The following CPA5 variants were observed in gnomAD, a reference collection of about 807,000 sequenced individuals.
CPA5 encodes the protein testicular tissue protein Li 32.
Under a neutral mutation model 52.2 loss-of-function variants are expected in CPA5, and 38 were observed. The ratio of observed to expected loss-of-function variants is 0.73; its 90% CI spans 0.56 to 0.95. CPA5 has a LOEUF of 0.95. Among genes scored for constraint, CPA5 ranks in the 40% least tolerant of loss-of-function variants. CPA5 has a pLI of 0.00. For synonymous variants in CPA5, 198 were observed against 213.7 expected, an observed-to-expected ratio of 0.93 and a Z score of 0.64; for missense variants, 519 against 566.7, an observed-to-expected ratio of 0.92 and a Z score of 0.86.
Position 130,350,060 on chromosome 7 carries a change from A to G in CPA5, c.284A>G (p.Tyr95Cys), listed in dbSNP as rs1554403516. The change falls in exon 5 of 13, where the codon TAT becomes TGT. Residue 95 changes from tyrosine to cysteine, a missense_variant. Transcript: ENST00000474905. ...PFSELKDIKA[Y>C]LESHGLAYSI... The stretch of plus-strand genomic sequence containing the variant: ...TCTGAACTGAAAGACATCAAAGCTT[A>G]TCTGGAGTCTCATGGACTTGCTTAC... The G allele has an allele frequency of 6.2e-7, 1 of 1,614,066 alleles. No individual in the cohort carries two copies.
rs138657131 is a variant in CPA5, at chr7:130,347,780, G to A, written c.131G>A (p.Arg44Gln). 1.6e-4 allele frequency: 264 copies of A among 1,613,682 alleles called. No homozygotes were observed. The highest frequency in any genetic ancestry group is 2.1e-4 in the Non-Finnish European group (253 of 1,179,926). Residue 44 changes from arginine to glutamine, a missense_variant, in exon 4 of 13, where the codon CGA becomes CAA. Transcript: ENST00000474905. The part of the protein sequence containing the change: ...QMNFTGDQVL[R>Q]VLAKDEKQLS... ...TGTTTTTCTAGGGACCAGGTTCTTC[G>A]AGTCCTGGCCAAAGATGAGAAGCAG...
intron 7 of CPA5, among the ~76,000 whole-genome samples, chr7:130,361,531 G>A (rs1795791288): frequency 6.6e-6 from 1 of 152,126 alleles, no homozygotes; most frequent in Non-Finnish European, 1.5e-5. Flanking sequence ...CTGGACTTGG[G>A]GTGTGAGTGT....
chr7:130,361,527 T>C (rs543116940), intron 7 of CPA5, among the ~76,000 whole-genome samples: 1 of 152,250 alleles, frequency 6.6e-6, no homozygotes, highest in Admixed American at 6.5e-5. Context: ...CACCCTGGAC[T>C]TGGGGTGTGA....
chr7:130,345,583 T>G (rs1794684452), intron 1 of CPA5: 1 of 152,368 alleles, frequency 6.6e-6, no homozygotes, highest in South Asian at 2.1e-4. Flanking sequence ...TGTTGAGAAC[T>G]CTAATAATGA....
chr7:130,361,120 C>T (rs1373904681), intron 6 of CPA5, 23 bp from the exon 7 acceptor site: 1 of 1,505,484 alleles, frequency 6.6e-7, no homozygotes, highest in Non-Finnish European at 9.2e-7. Context: ...AACTGCCAAT[C>T]TTACACACTT....
At chr7:130,347,078 G>T (rs1794801446) in intron 3 of CPA5, among the ~76,000 whole-genome samples, 1 of 152,110 alleles carries the variant, frequency 6.6e-6, no homozygotes, top group South Asian at 2.1e-4. Context: ...TCCACAGGTG[G>T]ATGCCCCACA....
intron 4 of CPA5, 76 bp from the exon 5 acceptor site, chr7:130,349,899 C>T: frequency 6.7e-7 from 1 of 1,492,266 alleles, no homozygotes; most frequent in South Asian, 1.3e-5. Flanking sequence ...GATTCTCTGG[C>T]TCTCTGTGGT....
At chr7:130,364,241 G>A (rs1219695459) in intron 10 of CPA5, among the ~76,000 whole-genome samples, 1 of 152,162 alleles carries the variant, frequency 6.6e-6, no homozygotes, top group African/African-American at 2.4e-5. Context: ...TGCCCAGGCT[G>A]GAGTGCAGTG....
In CPA5 at chr7:130,353,319, T is replaced by C. The variant is rs116803818; in HGVS notation, c.333+3210T>C. On this transcript the variant is annotated intron_variant, in intron 5 of 12. Transcript: ENST00000474905. ...CACGCAACTTCCAGATCCAACCCGATGGCCGACTCTCAATGTTCCTCTTCC... is the reference window on the plus strand; with the variant it reads ...CACGCAACTTCCAGATCCAACCCGACGGCCGACTCTCAATGTTCCTCTTCC... Among the ~76,000 whole-genome samples the C allele has an allele frequency of 9.2e-3, 1,393 of 152,228 alleles. 23 individuals are homozygous for C. Among genetic ancestry groups the C allele is most frequent in the African/African-American group, 0.032 (1,319 of 41,546 alleles).
chr7:130,352,487 G>A (rs1296647791), intron 5 of CPA5, among the ~76,000 whole-genome samples: 1 of 151,922 alleles, frequency 6.6e-6, no homozygotes, highest in Non-Finnish European at 1.5e-5. Context: ...GGTAATTACG[G>A]TGCGCTGAAG....
At chr7:130,367,316 C>T (rs1796146151) in intron 10 of CPA5, 56 bp from the exon 11 acceptor site, 1 of 1,490,432 alleles carries the variant, frequency 6.7e-7, no homozygotes. Context: ...TTTGTGAGCA[C>T]CGTCTGTGTC....
At chr7:130,352,756 T>C (rs1371304856) in intron 5 of CPA5, among the ~76,000 whole-genome samples, 1 of 151,990 alleles carries the variant, frequency 6.6e-6, no homozygotes, top group African/African-American at 2.4e-5. Context: ...GAAATTGCAG[T>C]GGGCCAGGCA....
At chr7:130,368,996 AGCATTTCTGATGGGG>A (rs1369857129), downstream of CPA5, among the ~76,000 whole-genome samples, 3 of 152,166 alleles carry the variant, frequency 2.0e-5, no homozygotes, top group Non-Finnish European at 4.4e-5. Flanking sequence ...GCTCTAAAAG[AGCATTTCTGATGGGG>A]GCATTTCTGC....
chr7:130,368,529 C>G lies in CPA5; in HGVS notation c.1243C>G (p.Pro415Ala), dbSNP rs782683936. 6.2e-7 allele frequency: 1 copy of G among 1,614,104 alleles called. No individual in the cohort carries two copies. Among genetic ancestry groups the G allele is most frequent in the Non-Finnish European group, 8.5e-7 (1 of 1,180,016 alleles). Residue 415 changes from proline to alanine, a missense_variant, in exon 13 of 13, where the codon CCC (proline) becomes GCC (alanine). Coordinates refer to ENST00000474905, the MANE Select transcript of CPA5 (RefSeq NM_080385.5). ...CCTGCTGCCGGCCACACAGATCATCCCCACGGCCCAGGAGACGTGGATGGC... is the reference window on the plus strand; with the variant it reads ...CCTGCTGCCGGCCACACAGATCATCGCCACGGCCCAGGAGACGTGGATGGC... Reference protein sequence around the residue: ...GFLLPATQIIPTAQETWMALR... With the variant: ...GFLLPATQIIATAQETWMALR...
intron 3 of CPA5, among the ~76,000 whole-genome samples, chr7:130,347,352 G>A (rs552059384): frequency 2.6e-5 from 4 of 152,318 alleles, no homozygotes; most frequent in South Asian, 2.1e-4. Flanking sequence ...GGGCCCCCTC[G>A]CGAAGAGCCC....
At chr7:130,368,247 C>T (rs1554409113) in intron 12 of CPA5, among the ~76,000 whole-genome samples, 163 bp from the exon 13 acceptor site, 2 of 152,218 alleles carry the variant, frequency 1.3e-5, no homozygotes, top group African/African-American at 4.8e-5. Flanking sequence ...GCTGGGTGCA[C>T]AGATGTGATC....
At chr7:130,367,765 G>C in intron 11 of CPA5, 141 bp from the exon 12 acceptor site, 1 of 850,390 alleles carries the variant, frequency 1.2e-6, no homozygotes, top group Non-Finnish European at 1.9e-6. Context: ...GAAATGCTGT[G>C]CTCCCTTCTC....
At chr7:130,358,683 C>T (rs1795626985) in intron 5 of CPA5, among the ~76,000 whole-genome samples, 1 of 152,186 alleles carries the variant, frequency 6.6e-6, no homozygotes, top group Admixed American at 6.5e-5. Flanking sequence ...ACAGTCTGTG[C>T]TGAATCCTGG....
At chr7:130,360,085 T>C (rs1353372668) in intron 6 of CPA5, among the ~76,000 whole-genome samples, 1 of 152,358 alleles carries the variant, frequency 6.6e-6, no homozygotes, top group Admixed American at 6.5e-5. Context: ...ATTAAAAAAC[T>C]GCCTAAATCC....
Sources: allele counts gnomAD v4.1 joint callset (sites outside exome capture counted in the v4.1 genomes callset), GRCh38; gene constraint gnomAD v4.1.1; transcripts MANE v1.5; gene names NCBI Gene and HGNC (gene_info 2026-07-23, HGNC 2026-07-21).